The following UBE2E1 variants were observed in gnomAD, a reference collection of about 807,000 sequenced individuals.
UBE2E1 encodes ubiquitin-conjugating enzyme E2 E1.
In UBE2E1, 6 loss-of-function variants were observed where a neutral mutation model predicts 21.4. The observed-to-expected ratio is 0.28, with a 90% CI of 0.15 to 0.55. The LOEUF is 0.55. Among genes scored for constraint, UBE2E1 ranks in the 20% least tolerant of loss-of-function variants. UBE2E1 has a pLI of 0.93. For synonymous variants in UBE2E1, 87 were observed against 82.7 expected, an observed-to-expected ratio of 1.05 and a Z score of -0.28; for missense variants, 142 against 236.5, an observed-to-expected ratio of 0.60 and a Z score of 2.62.
intron 3 of UBE2E1, among the ~76,000 whole-genome samples, chr3:23,828,518 C>T (rs932280975): frequency 4.6e-5 from 7 of 152,058 alleles, no homozygotes; most frequent in African/African-American, 1.2e-4. Context: ...CTGGTAAAGG[C>T]GTTGGAGTTG....
At chr3:23,865,268 A>G (rs1448263900) in intron 3 of UBE2E1, among the ~76,000 whole-genome samples, 1 of 152,196 alleles carries the variant, frequency 6.6e-6, no homozygotes, top group African/African-American at 2.4e-5. Context: ...GGCCGCTCAT[A>G]GTTCTCTAGC....
chr3:23,861,720 T>C (rs1700562129), intron 3 of UBE2E1, among the ~76,000 whole-genome samples: 1 of 152,214 alleles, frequency 6.6e-6, no homozygotes, highest in African/African-American at 2.4e-5. Context: ...GGCCATCGAC[T>C]GGTGGAATGA....
At chr3:23,820,961 G>A (rs1699631010) in intron 3 of UBE2E1, among the ~76,000 whole-genome samples, 2 of 152,184 alleles carry the variant, frequency 1.3e-5, no homozygotes, top group South Asian at 4.1e-4. Context: ...GATCTTACTT[G>A]GAGAAAAGTT....
chr3:23,808,745 T>C lies in UBE2E1; in HGVS notation c.152+1324T>C, dbSNP rs955653560. The C allele has an allele frequency of 6.6e-6, 1 of 152,262 alleles. No homozygotes were observed. The highest frequency in any genetic ancestry group is 6.5e-5 in the Admixed American group (1 of 15,272). 9.4% of individuals were successfully genotyped at this position (152,262 alleles called of 1,614,324 possible). A position where few individuals can be genotyped will look rare whatever the true frequency, so the allele number is the denominator to read the frequency against. On this transcript the variant is annotated intron_variant, in intron 2 of 5. Transcript: ENST00000306627. This position sits in a 1 kb window ranked among gnomAD's most constrained non-coding sequence, Gnocchi z 4.9. ...GGAGGCCTGACTGACCCTCACTGATTAGCCCTGTGCGGTTTTCCTGGAACC... is the reference window on the plus strand; with the variant it reads ...GGAGGCCTGACTGACCCTCACTGATCAGCCCTGTGCGGTTTTCCTGGAACC...
intron 3 of UBE2E1, among the ~76,000 whole-genome samples, chr3:23,872,009 G>A (rs1354293913): frequency 1.3e-5 from 2 of 151,998 alleles, no homozygotes; most frequent in East Asian, 1.9e-4. Flanking sequence ...CACTTTGGGA[G>A]GCCAAGGCAG....
rs923978474 is a variant in UBE2E1 at position 23,876,007 on chromosome 3, G to A, written c.204-11560G>A. Among the ~76,000 whole-genome samples, 12 of 152,214 alleles carry A rather than the reference G, an allele frequency of 7.9e-5. No individual in the cohort carries two copies. Among genetic ancestry groups the A allele is most frequent in the South Asian group, 2.1e-4 (1 of 4,838 alleles). The stretch of plus-strand genomic sequence containing the variant: ...AGGATGGTCTCTATCTCTAGACCTC[G>A]TGATCTGCCCGCTTTGGCCTCACAA... On this transcript the variant is annotated intron_variant, in intron 3 of 5. Transcript: ENST00000306627. This position sits in a 1 kb window ranked among gnomAD's most constrained non-coding sequence, Gnocchi z 4.3.
intron 3 of UBE2E1, among the ~76,000 whole-genome samples, chr3:23,834,251 G>T (rs1174530990): frequency 2.0e-5 from 3 of 152,102 alleles, no homozygotes; most frequent in Non-Finnish European, 4.4e-5. Flanking sequence ...CCTCTTGATG[G>T]CACTATAATC....
intron 3 of UBE2E1, among the ~76,000 whole-genome samples, chr3:23,872,287 C>T (rs1294041437): frequency 2.0e-5 from 3 of 151,480 alleles, no homozygotes; most frequent in Non-Finnish European, 4.4e-5. Flanking sequence ...GCAGGAGAAT[C>T]AGGCAGGGAG....
chr3:23,881,400 A>G lies in UBE2E1; in HGVS notation c.204-6167A>G, dbSNP rs72627048. On this transcript the variant is annotated intron_variant, in intron 3 of 5. Transcript: ENST00000306627. ...AAATAAACCTTAAACCTCTGTGTAG[A>G]AAAATGTGAAAGGTATAGGCATGGT... is the stretch of plus-strand genomic sequence containing the variant. Among the ~76,000 whole-genome samples, 778 of 152,362 alleles carry G rather than the reference A, an allele frequency of 5.1e-3. 16 individuals carry two copies. Among genetic ancestry groups the G allele is most frequent in the South Asian group, 0.046 (220 of 4,832 alleles).
At chr3:23,880,031 G>A (rs2125325662) in intron 3 of UBE2E1, among the ~76,000 whole-genome samples, 1 of 152,352 alleles carries the variant, frequency 6.6e-6, no homozygotes, top group South Asian at 2.1e-4. Context: ...AGGATCACTT[G>A]AGCCCAAGAA....
intron 3 of UBE2E1, among the ~76,000 whole-genome samples, chr3:23,851,432 T>C (rs1157111507): frequency 6.6e-6 from 1 of 151,050 alleles, no homozygotes; most frequent in Non-Finnish European, 1.5e-5. Flanking sequence ...TTCATTTTGT[T>C]TTTTTTTAAA....
chr3:23,839,952 A>C (rs187516049), intron 3 of UBE2E1, among the ~76,000 whole-genome samples: 150 of 151,990 alleles, frequency 9.9e-4, no homozygotes, highest in African/African-American at 3.4e-3. Flanking sequence ...GTGTTTGTTC[A>C]GTTTCTTGGC....
chr3:23,819,502 C>A (rs78804176), intron 3 of UBE2E1, among the ~76,000 whole-genome samples: 1 of 152,236 alleles, frequency 6.6e-6, no homozygotes, highest in Non-Finnish European at 1.5e-5. Context: ...AAAGAAGCAG[C>A]ATCTTTCTGG....
intron 3 of UBE2E1, among the ~76,000 whole-genome samples, chr3:23,832,469 AC>A (rs1284935769): frequency 6.6e-6 from 1 of 152,206 alleles, no homozygotes; most frequent in East Asian, 1.9e-4. Context: ...CCATGGCAAA[AC>A]CCCATCTCTA....
chr3:23,818,128 C>T (rs1443206527), intron 3 of UBE2E1, among the ~76,000 whole-genome samples: 1 of 152,124 alleles, frequency 6.6e-6, no homozygotes, highest in African/African-American at 2.4e-5. Context: ...ATATGGAGGA[C>T]TTGAAAAGGA....
At chr3:23,879,707 T>C (rs1345734449) in intron 3 of UBE2E1, among the ~76,000 whole-genome samples, 1 of 152,172 alleles carries the variant, frequency 6.6e-6, no homozygotes, top group Non-Finnish European at 1.5e-5. Context: ...AGGTGGGTGC[T>C]GTGTGCCTGG....
Position 23,876,435 on chromosome 3 carries a change from T to C in UBE2E1, c.204-11132T>C, listed in dbSNP as rs1700915364. 1.3e-5 allele frequency among the ~76,000 whole-genome samples: 2 copies of C among 152,202 alleles called. No homozygotes were observed. The highest frequency in any genetic ancestry group is 4.8e-5 in the African/African-American group (2 of 41,452). ...GTAAGAATGTACCAAGTAGATCTCA[T>C]GGAGAAGGCAGCTTTCACCCAGTAT... On this transcript the variant is annotated intron_variant, in intron 3 of 5. Coordinates refer to ENST00000306627, the MANE Select transcript of UBE2E1 (RefSeq NM_003341.5). The surrounding 1 kb of genome is among the most constrained non-coding windows in gnomAD (Gnocchi z 4.3).
intron 3 of UBE2E1, among the ~76,000 whole-genome samples, chr3:23,877,763 T>C (rs753623146): frequency 5.3e-5 from 8 of 152,204 alleles, no homozygotes; most frequent in Non-Finnish European, 8.8e-5. Context: ...CAGTAGCTAA[T>C]AAGCAGTCCG....
chr3:23,859,471 CTA>C (rs1255330329), intron 3 of UBE2E1, among the ~76,000 whole-genome samples: 1 of 152,224 alleles, frequency 6.6e-6, no homozygotes, highest in African/African-American at 2.4e-5. Flanking sequence ...TGACCCATAT[CTA>C]TCTGCTTACC....
Sources: allele counts gnomAD v4.1 joint callset (sites outside exome capture counted in the v4.1 genomes callset), GRCh38; gene constraint gnomAD v4.1.1; non-coding constraint Gnocchi (gnomAD v3.1); transcripts MANE v1.5; gene names NCBI Gene and HGNC (gene_info 2026-07-23, HGNC 2026-07-21).